Variants in SPEG observed in about 807,000 individuals in gnomAD.
The protein encoded by SPEG is striated muscle preferentially expressed protein kinase.
In SPEG, 114 loss-of-function variants were observed where a neutral mutation model predicts 300.4. The observed-to-expected ratio is 0.38, with a 90% confidence interval of 0.33 to 0.44. The LOEUF is 0.44. SPEG is among the 20% of genes least tolerant of loss of function. The pLI is 1.00. For synonymous variants in SPEG, 1,964 were observed against 2,018.9 expected (o/e 0.97, Z 0.73); for missense variants, 4,201 against 4,586.2 (o/e 0.92, Z 2.43).
In SPEG at chr2:219,448,250, C is replaced by T; in HGVS notation, c.1092C>T (p.Ser364=). 2 of 1,612,394 alleles carry T rather than the reference C, an allele frequency of 1.2e-6. No individual in the cohort carries two copies. Among genetic ancestry groups the T allele is most frequent in the Non-Finnish European group, 1.7e-6 (2 of 1,179,604 alleles). The change falls in exon 4 of 41, where the codon TCC becomes TCT. Residue 364 remains serine (S), a synonymous_variant. Coordinates refer to ENST00000312358, the MANE Select transcript of SPEG (RefSeq NM_005876.5). ...RGKKSKSSGP[S]LAGTAESRPQ... Reference sequence around the variant, plus strand: ...AGAAGTCCAAGTCGTCCGGGCCCTCCCTGGCGGGCACCGCGGAATCCCGAC... The same window carrying T: ...AGAAGTCCAAGTCGTCCGGGCCCTCTCTGGCGGGCACCGCGGAATCCCGAC...
At chr2:219,453,085 T>A (rs79888044) in intron 6 of SPEG, among the ~76,000 whole-genome samples, 1 of 152,194 alleles carries the variant, frequency 6.6e-6, no homozygotes, top group East Asian at 1.9e-4. Flanking sequence ...ACCTCCGGGA[T>A]CTGGCTTCTG....
At position 219,489,167 on chromosome 2, in the gene SPEG, G is replaced by A; in HGVS notation, c.8263G>A (p.Gly2755Arg). The A allele has an allele frequency of 1.2e-6, 2 of 1,614,012 alleles. No individual in the cohort carries two copies. Among genetic ancestry groups the A allele is most frequent in the Non-Finnish European group, 1.7e-6 (2 of 1,179,964 alleles). Reference protein sequence around the residue: ...RFRVACANRAGQGPFSNSSEK... With the variant: ...RFRVACANRARQGPFSNSSEK... ...CCGTGTGGCCTGTGCCAACCGTGCT[G>A]GGCAGGGGCCCTTCAGCAACTCTTC... Residue 2755 changes from glycine (G) to arginine (R), a missense_variant, in exon 35 of 41, where the codon GGG becomes AGG. Transcript: ENST00000312358.
At chr2:219,447,122 G>A (rs1689357854) in intron 3 of SPEG, among the ~76,000 whole-genome samples, 1 of 151,988 alleles carries the variant, frequency 6.6e-6, no homozygotes, top group Non-Finnish European at 1.5e-5. Context: ...TGGGGTGACC[G>A]GCTCCTTCCC....
At position 219,480,166 on chromosome 2, in the gene SPEG, C is replaced by A. The variant is rs749083777; in HGVS notation, c.5342+26C>A. 6 of 1,610,376 alleles carry A rather than the reference C, an allele frequency of 3.7e-6. No homozygotes were observed. In the South Asian group the frequency reaches 6.6e-5, roughly 18 times the overall value. On this transcript the variant is annotated intron_variant, in intron 25 of 40. Coordinates refer to ENST00000312358, the MANE Select transcript of SPEG (RefSeq NM_005876.5). This position sits in a 1 kb window ranked among gnomAD's most constrained non-coding sequence, Gnocchi z 5.3. ...GTAAGGCTGGCATGCTGGGCTGGGC[C>A]GACCAGGGCAGCTGCCCTTGGGGCT...
At position 219,479,923 on chromosome 2, in the gene SPEG, T is replaced by C. The variant is rs760854064; in HGVS notation, c.5164-39T>C. The C allele has an allele frequency of 3.2e-5, 52 of 1,613,902 alleles. No homozygotes were observed. The highest frequency in any genetic ancestry group is 4.2e-5 in the Non-Finnish European group (50 of 1,179,980). On this transcript the variant is annotated intron_variant, in intron 24 of 40. Transcript: ENST00000312358. This position sits in a 1 kb window ranked among gnomAD's most constrained non-coding sequence, Gnocchi z 5.5. The stretch of plus-strand genomic sequence containing the variant: ...AGCCAGGAGGTGAAGCATCCTTCCT[T>C]GTTCATTTGGCCCGCACACCTCGCC...
chr2:219,443,399 A>G lies in SPEG; in HGVS notation c.389-1254A>G. 1.8e-6 allele frequency: 1 copy of G among 554,910 alleles called. No homozygotes were observed. The highest frequency in any genetic ancestry group is 3.2e-6 in the Non-Finnish European group (1 of 309,418). 34.4% of individuals were successfully genotyped at this position (554,910 alleles called of 1,614,324 possible). A position where few individuals can be genotyped will look rare whatever the true frequency, so the allele number is the denominator to read the frequency against. ...GACTGGGTGCCCTGTTCTCCATGTG[A>G]GGCCTAATGGGAAGGAGTTCATTGC... On this transcript the variant is annotated intron_variant, in intron 1 of 40. Coordinates refer to ENST00000312358, the MANE Select transcript of SPEG (RefSeq NM_005876.5). This position sits in a 1 kb window ranked among gnomAD's most constrained non-coding sequence, Gnocchi z 4.6.
Position 219,459,671 on chromosome 2 carries a change from A to G in SPEG, c.2441-2211A>G, listed in dbSNP as rs1239597608. On this transcript the variant is annotated intron_variant, in intron 6 of 40. Transcript: ENST00000312358. The surrounding 1 kb of genome is among the most constrained non-coding windows in gnomAD (Gnocchi z 4.9). The stretch of plus-strand genomic sequence containing the variant: ...AGTCCCTGGGCCCGTGAGCCTCCTC[A>G]GTACTGTCCAGCCTGGAGGTGACCC... Among the ~76,000 whole-genome samples the G allele has an allele frequency of 1.3e-5, 2 of 152,142 alleles. No individual in the cohort carries two copies. The highest frequency in any genetic ancestry group is 2.4e-5 in the African/African-American group (1 of 41,424).
intron 14 of SPEG, 35 bp downstream of exon 14, chr2:219,472,022 C>G (rs747145646): frequency 6.2e-7 from 1 of 1,605,518 alleles, no homozygotes; most frequent in Non-Finnish European, 8.5e-7. Flanking sequence ...GCTGCACGCA[C>G]AGCCTGGCCT....
At chr2:219,472,058 A>C (rs1691924352) in intron 14 of SPEG, 71 bp downstream of exon 14, 2 of 1,585,288 alleles carry the variant, frequency 1.3e-6, no homozygotes, top group African/African-American at 2.7e-5. Flanking sequence ...GGCTCAGGGA[A>C]AGGGGCCTCC....
In SPEG at chr2:219,468,722, C is replaced by T. The variant is rs376059193; in HGVS notation, c.3287C>T (p.Thr1096Ile). 4.8e-5 allele frequency: 78 copies of T among 1,614,000 alleles called. No individual in the cohort carries two copies. In the African/African-American group the frequency reaches 6.7e-4, roughly 14 times the overall value. ...KISGTPPPVVTWTHFGCPMEE... is the reference protein window; with the variant it reads ...KISGTPPPVVIWTHFGCPMEE... ...AGTGGCACCCCGCCCCCTGTTGTTA[C>T]CTGGACTCATTTTGGTACGGCCCCT... The change falls in exon 11 of 41, where the codon ACC (threonine) becomes ATC (isoleucine). Residue 1096 changes from threonine to isoleucine, a missense_variant. By Grantham distance (89) the Thr-to-Ile change is moderately conservative. Around this residue, in one of 4 missense-constraint regions of SPEG, gnomAD observed 1,047 missense variants for 1,356.8 expected, o/e 0.77. Transcript: ENST00000312358.
chr2:219,489,891 G>A lies in SPEG; in HGVS notation c.8873G>A (p.Arg2958Gln). 1.3e-6 allele frequency: 2 copies of A among 1,598,642 alleles called. No individual in the cohort carries two copies. Among genetic ancestry groups the A allele is most frequent in the South Asian group, 1.1e-5 (1 of 90,244 alleles). ...SSPRPEGTTL[R>Q]QGPPQKPYTF... The stretch of plus-strand genomic sequence containing the variant: ...CCCAGGCCTGAGGGTACCACTCTTC[G>A]ACAGGGTCCCCCTCAGAAACCCTAC... The change falls in exon 36 of 41, where the codon CGA (arginine) becomes CAA (glutamine). Residue 2958 changes from arginine to glutamine, a missense_variant. By Grantham distance (43) the Arg-to-Gln change is conservative. This residue lies in a region of SPEG where 1,578 missense variants were observed against 1,506.0 expected (regional missense o/e 1.05). Coordinates refer to ENST00000312358, the MANE Select transcript of SPEG (RefSeq NM_005876.5).
intron 6 of SPEG, chr2:219,460,303 G>A (rs184295566): frequency 7.1e-6 from 7 of 985,402 alleles, no homozygotes; most frequent in East Asian, 1.1e-4. Context: ...TCCGATTTTC[G>A]GGGCCAAAGA....
chr2:219,444,506 G>T lies in SPEG; in HGVS notation c.389-147G>T. 2 of 678,170 alleles carry T rather than the reference G, an allele frequency of 2.9e-6. No homozygotes were observed. Among genetic ancestry groups the T allele is most frequent in the South Asian group, 1.8e-5 (1 of 55,204 alleles). 42.0% of individuals were successfully genotyped at this position (678,170 alleles called of 1,614,324 possible). On this transcript the variant is annotated intron_variant, in intron 1 of 40. Coordinates refer to ENST00000312358, the MANE Select transcript of SPEG (RefSeq NM_005876.5). This position sits in a 1 kb window ranked among gnomAD's most constrained non-coding sequence, Gnocchi z 7.8. ...TCCTGAGCAGCCCAGGCTGGGCAGG[G>T]GATGTGGGGAGCAAAAGAGAGGAGG...
At position 219,484,956 on chromosome 2, in the gene SPEG, G is replaced by T; in HGVS notation, c.7493G>T (p.Gly2498Val). ...CGGCTTCGCAGGGCCACGTCCGAGGGCGAGAGTCTGCGGCGCCTTGGCCTT... is the reference window on the plus strand; with the variant it reads ...CGGCTTCGCAGGGCCACGTCCGAGGTCGAGAGTCTGCGGCGCCTTGGCCTT... ...FGRLRRATSE[G>V]ESLRRLGLPH... Residue 2498 changes from glycine to valine, a missense_variant, in exon 30 of 41, where the codon GGC becomes GTC. Coordinates refer to ENST00000312358, the MANE Select transcript of SPEG (RefSeq NM_005876.5). 6.5e-7 allele frequency: 1 copy of T among 1,529,566 alleles called. No individual in the cohort carries two copies. Among genetic ancestry groups the T allele is most frequent in the Non-Finnish European group, 8.7e-7 (1 of 1,144,242 alleles). The allele number at this position is 1,529,566 out of a possible 1,614,324, so 94.7% of individuals were successfully genotyped here.
At position 219,484,698 on chromosome 2, in the gene SPEG, C is replaced by T; in HGVS notation, c.7235C>T (p.Ser2412Leu). 2.0e-6 allele frequency: 3 copies of T among 1,516,084 alleles called. No individual in the cohort carries two copies. Among genetic ancestry groups the T allele is most frequent in the South Asian group, 1.2e-5 (1 of 82,492 alleles). 93.9% of individuals were successfully genotyped at this position (1,516,084 alleles called of 1,614,324 possible). Residue 2412 changes from serine (S) to leucine (L), a missense_variant, in exon 30 of 41, where the codon TCA becomes TTA. By Grantham distance (145) the Ser-to-Leu change is moderately radical. Coordinates refer to ENST00000312358, the MANE Select transcript of SPEG (RefSeq NM_005876.5). Reference protein sequence around the residue: ...EPGLVRRLSLSLSQRLRRTPP... With the variant: ...EPGLVRRLSLLLSQRLRRTPP... ...GGCCTCGTCCGCCGCCTCTCGCTGT[C>T]ACTGTCCCAGCGGCTGCGGCGGACC...
intron 18 of SPEG, among the ~76,000 whole-genome samples, chr2:219,475,715 C>G (rs752849245): frequency 4.6e-5 from 7 of 152,224 alleles, no homozygotes; most frequent in African/African-American, 1.2e-4. Flanking sequence ...CCCTGCAGCA[C>G]AGCCTAGCTG....
intron 9 of SPEG, chr2:219,466,414 A>G: frequency 7.7e-7 from 1 of 1,303,808 alleles, no homozygotes; most frequent in African/African-American, 1.5e-5. Context: ...AGGCCTGTCT[A>G]TCTGTTTGTC....
At chr2:219,476,775 A>C in intron 18 of SPEG, 95 bp from the exon 19 acceptor site, 1 of 929,016 alleles carries the variant, frequency 1.1e-6, no homozygotes. Context: ...TGACTGAGCC[A>C]GTCACTGATG....
Position 219,492,811 on chromosome 2 carries a change from G to C in SPEG, c.*25G>C, listed in dbSNP as rs1230127930. On this transcript the variant is annotated 3_prime_UTR_variant, in exon 41 of 41. Coordinates refer to ENST00000312358, the MANE Select transcript of SPEG (RefSeq NM_005876.5). ...GAGGCACGGACCACAGCCAGGCCTCGGGCTTCAACTGGGGTTCCCACCAAT... is the reference window on the plus strand; with the variant it reads ...GAGGCACGGACCACAGCCAGGCCTCCGGCTTCAACTGGGGTTCCCACCAAT... 3 of 1,550,896 alleles carry C rather than the reference G, an allele frequency of 1.9e-6. No homozygotes were observed. The highest frequency in any genetic ancestry group is 2.6e-6 in the Non-Finnish European group (3 of 1,153,698).
Sources: allele counts gnomAD v4.1 joint callset (sites outside exome capture counted in the v4.1 genomes callset), GRCh38; gene constraint gnomAD v4.1.1; regional missense constraint gnomAD v4.1.1; non-coding constraint Gnocchi (gnomAD v3.1); transcripts MANE v1.5; gene names NCBI Gene and HGNC (gene_info 2026-07-23, HGNC 2026-07-21).